The following PLEKHA5 variants were observed in gnomAD, a reference collection of about 807,000 sequenced individuals.
The protein encoded by PLEKHA5 is pleckstrin homology domain-containing family A member 5.
In PLEKHA5, 55 loss-of-function variants were observed where a neutral mutation model predicts 181.9. That is an observed-to-expected ratio of 0.30 (90% CI 0.24 to 0.38). The LOEUF is 0.38. Ranked by LOEUF, PLEKHA5 falls within the 10% of genes least tolerant of loss-of-function variation. The pLI is 1.00. For missense variants in PLEKHA5, 1,432 were observed against 1,549.5 expected (o/e 0.92, Z 1.27); for synonymous variants, 535 against 529.4 (o/e 1.01, Z -0.15).
At position 19,169,263 on chromosome 12, in the gene PLEKHA5, T is replaced by TAA. The variant is rs113327862; in HGVS notation, c.227+36826_227+36827dup. Among the ~76,000 whole-genome samples the TAA allele has an allele frequency of 2.1e-4, 29 of 139,460 alleles. 1 individual carries two copies. In the South Asian group the frequency reaches 3.0e-3, roughly 14 times the overall value. The allele number at this position is 139,460 out of a possible 152,430, so 91.5% of individuals were successfully genotyped here. A position where few individuals can be genotyped will look rare whatever the true frequency, so the allele number is the denominator to read the frequency against. On this transcript the variant is annotated intron_variant, in intron 3 of 31. Transcript: ENST00000429027. ...AATTGCTATTTAAAGGTTGTCAAGTTAAAAAAAAAAAAAAGAGGGTTGTAA... is the reference window on the plus strand; with the variant it reads ...AATTGCTATTTAAAGGTTGTCAAGTTAAAAAAAAAAAAAAAAGAGGGTTGTAA...
intron 3 of PLEKHA5, among the ~76,000 whole-genome samples, chr12:19,198,212 A>T (rs1271835348): frequency 6.6e-6 from 1 of 152,204 alleles, no homozygotes; most frequent in African/African-American, 2.4e-5. Flanking sequence ...TAGCACTTAG[A>T]ATAAAATCCA....
At chr12:19,283,887 A>G (rs776189462) in intron 12 of PLEKHA5, 142 bp downstream of exon 12, 4 of 602,736 alleles carry the variant, frequency 6.6e-6, no homozygotes, top group African/African-American at 1.9e-5. Context: ...AAAAATAAAT[A>G]AAAATATTTT....
intron 25 of PLEKHA5, among the ~76,000 whole-genome samples, chr12:19,349,215 C>G (rs543174524): frequency 1.3e-5 from 2 of 152,010 alleles, no homozygotes; most frequent in Non-Finnish European, 2.9e-5. Flanking sequence ...CTCCCAGACT[C>G]GGTGATCCTC....
At chr12:19,348,848 GTTAC>G (rs1351647540) in intron 25 of PLEKHA5, among the ~76,000 whole-genome samples, 1 of 152,036 alleles carries the variant, frequency 6.6e-6, no homozygotes, top group Non-Finnish European at 1.5e-5. Flanking sequence ...CTGAATCCCA[GTTAC>G]CCGGGAGGCT....
rs1434918921 is a variant in PLEKHA5 at position 19,299,081 on chromosome 12, G to A, written c.2037+7384G>A. On this transcript the variant is annotated intron_variant, in intron 15 of 31. Transcript: ENST00000429027. The stretch of plus-strand genomic sequence containing the variant: ...GACAAGCCTCCTTGGCATCCTGCCT[G>A]CCTCTCCATCACTGTAAGGATGGAG... Among the ~76,000 whole-genome samples, 6 of 152,210 alleles carry A rather than the reference G, an allele frequency of 3.9e-5. No individual in the cohort carries two copies. The East Asian group carries it at 1.2e-3, about 29-fold the overall frequency.
intron 3 of PLEKHA5, among the ~76,000 whole-genome samples, chr12:19,231,344 AG>A (rs1357611560): frequency 6.6e-6 from 1 of 152,050 alleles, no homozygotes; most frequent in Non-Finnish European, 1.5e-5. Context: ...AAAACGAGTT[AG>A]ATTTTATTTC....
At chr12:19,280,532 A>T (rs1196127059) in intron 11 of PLEKHA5, among the ~76,000 whole-genome samples, 1 of 152,082 alleles carries the variant, frequency 6.6e-6, no homozygotes, top group East Asian at 1.9e-4. Context: ...ACATTTTCAC[A>T]ACCAGTAGGA....
At chr12:19,226,959 T>TC (rs397789726) in intron 3 of PLEKHA5, among the ~76,000 whole-genome samples, 1 of 151,932 alleles carries the variant, frequency 6.6e-6, no homozygotes, top group Non-Finnish European at 1.5e-5. Context: ...AAGTTTTTTT[T>TC]TACTTGATTG....
chr12:19,266,454 G>A (rs530776333), intron 8 of PLEKHA5, among the ~76,000 whole-genome samples: 55 of 151,638 alleles, frequency 3.6e-4, no homozygotes, highest in Admixed American at 1.5e-3. Flanking sequence ...ACTGCAGTCC[G>A]GCCTGGGCAA....
At chr12:19,319,966 C>T (rs772365543) in intron 16 of PLEKHA5, 55 bp from the exon 17 acceptor site, 94 of 1,192,146 alleles carry the variant, frequency 7.9e-5, no homozygotes, top group East Asian at 4.1e-4. Context: ...TATAAGATTT[C>T]GAATGATTTT....
chr12:19,141,235 C>T (rs533260500), intron 3 of PLEKHA5, among the ~76,000 whole-genome samples: 19 of 152,126 alleles, frequency 1.2e-4, no homozygotes, highest in Admixed American at 1.1e-3. Context: ...AAATTACACC[C>T]GTTTAGCTTT....
chr12:19,175,747 G>T (rs2047040307), intron 3 of PLEKHA5, among the ~76,000 whole-genome samples: 1 of 152,132 alleles, frequency 6.6e-6, no homozygotes, highest in South Asian at 2.1e-4. Flanking sequence ...AAACTCTTTT[G>T]CTTAGTAACT....
intron 3 of PLEKHA5, among the ~76,000 whole-genome samples, chr12:19,157,927 T>C (rs1670636735): frequency 6.6e-6 from 1 of 152,180 alleles, no homozygotes. Context: ...CTGGAATAAT[T>C]AGTCATCATT....
chr12:19,197,623 C>G (rs964830629), intron 3 of PLEKHA5, among the ~76,000 whole-genome samples: 9 of 148,508 alleles, frequency 6.1e-5, no homozygotes, highest in Non-Finnish European at 1.3e-4. Context: ...ATACACCGAG[C>G]ATAGGACTAG....
At chr12:19,240,529 C>T (rs940640814) in intron 3 of PLEKHA5, among the ~76,000 whole-genome samples, 9 of 149,680 alleles carry the variant, frequency 6.0e-5, no homozygotes, top group African/African-American at 2.0e-4. Flanking sequence ...CAGCCTTGAA[C>T]GCCTAAGCTT....
At chr12:19,300,778 G>A (rs2081257367) in intron 15 of PLEKHA5, among the ~76,000 whole-genome samples, 1 of 152,076 alleles carries the variant, frequency 6.6e-6, no homozygotes, top group African/African-American at 2.4e-5. Context: ...TTGTAACTTT[G>A]TAAGAACACA....
chr12:19,251,406 C>CAA (rs35113109), intron 3 of PLEKHA5, among the ~76,000 whole-genome samples: 1 of 124,756 alleles, frequency 8.0e-6, no homozygotes. Flanking sequence ...AACTCTGTCT[C>CAA]AAAAAAAAAA....
At chr12:19,335,111 C>A (rs1264543621) in intron 20 of PLEKHA5, among the ~76,000 whole-genome samples, 1 of 145,492 alleles carries the variant, frequency 6.9e-6, no homozygotes, top group African/African-American at 2.5e-5. Flanking sequence ...CTCACTGCAA[C>A]CTCCGCCTCT....
At chr12:19,280,456 A>C (rs549266805) in intron 11 of PLEKHA5, among the ~76,000 whole-genome samples, 1 of 152,158 alleles carries the variant, frequency 6.6e-6, no homozygotes, top group Non-Finnish European at 1.5e-5. Flanking sequence ...TATTAAGAGT[A>C]TGGTCAAATG....
Sources: allele counts gnomAD v4.1 joint callset (sites outside exome capture counted in the v4.1 genomes callset), GRCh38; gene constraint gnomAD v4.1.1; transcripts MANE v1.5; gene names NCBI Gene and HGNC (gene_info 2026-07-23, HGNC 2026-07-21).